Variants in GNA14 observed in about 807,000 individuals in gnomAD.
GNA14 encodes G protein subunit alpha 14.
Under a neutral mutation model 42.0 loss-of-function variants are expected in GNA14, and 50 were observed. The ratio of observed to expected loss-of-function variants is 1.19; its 90% confidence interval spans 0.95 to 1.51. GNA14 has a LOEUF of 1.51. Ranked by LOEUF, GNA14 falls within the 40% of genes most tolerant of loss-of-function variation. The pLI is 0.00. For synonymous variants in GNA14, 173 were observed against 163.1 expected (o/e 1.06, Z -0.46); for missense variants, 473 against 446.2 (o/e 1.06, Z -0.54).
intron 1 of GNA14, among the ~76,000 whole-genome samples, chr9:77,603,776 T>G (rs1006127896): frequency 5.3e-5 from 8 of 151,672 alleles, no homozygotes; most frequent in African/African-American, 1.5e-4. Context: ...CTATCCTGGC[T>G]AACATGGTGA....
At chr9:77,461,626 A>G (rs1836108585) in intron 2 of GNA14, among the ~76,000 whole-genome samples, 1 of 152,178 alleles carries the variant, frequency 6.6e-6, no homozygotes, top group African/African-American at 2.4e-5. Flanking sequence ...ATAAGGATCA[A>G]TTAGGAAGTA....
chr9:77,493,968 T>C (rs146737235), intron 2 of GNA14, among the ~76,000 whole-genome samples: 1,708 of 152,350 alleles, frequency 0.011, 44 homozygotes, highest in African/African-American at 0.039. Context: ...TCACCCAGGC[T>C]GAAGTGCAGT....
intron 1 of GNA14, among the ~76,000 whole-genome samples, chr9:77,558,939 A>AT (rs915991164): frequency 1.3e-5 from 2 of 151,576 alleles, no homozygotes; most frequent in Admixed American, 1.3e-4. Flanking sequence ...CAAAAAAAAA[A>AT]ACAAAAAACA....
At chr9:77,548,943 TTTTC>T (rs1837757211) in intron 1 of GNA14, among the ~76,000 whole-genome samples, 1 of 151,686 alleles carries the variant, frequency 6.6e-6, no homozygotes, top group Non-Finnish European at 1.5e-5. Context: ...TTCTTTTTTT[TTTTC>T]TTTTTTTTTC....
chr9:77,556,361 G>A (rs1822781997), intron 1 of GNA14, among the ~76,000 whole-genome samples: 1 of 152,098 alleles, frequency 6.6e-6, no homozygotes, highest in African/African-American at 2.4e-5. Context: ...TAATGGGGTG[G>A]GGGCAGAGAT....
chr9:77,485,749 A>G (rs1836649097), intron 2 of GNA14, among the ~76,000 whole-genome samples: 1 of 152,178 alleles, frequency 6.6e-6, no homozygotes, highest in Admixed American at 6.5e-5. Flanking sequence ...CAGAGCGCTT[A>G]GGTGACCAGG....
intron 2 of GNA14, among the ~76,000 whole-genome samples, chr9:77,482,618 G>A (rs1276250411): frequency 1.3e-5 from 2 of 152,190 alleles, no homozygotes; most frequent in African/African-American, 4.8e-5. Context: ...CTAGATTGGG[G>A]AAGTTCTCCT....
At chr9:77,586,028 C>T (rs1321221500) in intron 1 of GNA14, among the ~76,000 whole-genome samples, 1 of 152,094 alleles carries the variant, frequency 6.6e-6, no homozygotes, top group Non-Finnish European at 1.5e-5. Context: ...AAGTGGCTTG[C>T]CTTGTTCTGA....
intron 1 of GNA14, among the ~76,000 whole-genome samples, chr9:77,574,757 ACCTTCCTCCATG>A (rs1231307921): frequency 6.6e-6 from 1 of 152,178 alleles, no homozygotes; most frequent in Non-Finnish European, 1.5e-5. Flanking sequence ...CAGGCAGGCA[ACCTTCCTCCATG>A]CTGCAGCTAT....
At chr9:77,549,284 C>T (rs1473147662) in intron 1 of GNA14, among the ~76,000 whole-genome samples, 1 of 152,298 alleles carries the variant, frequency 6.6e-6, no homozygotes, top group Non-Finnish European at 1.5e-5. Context: ...ACAAGCCCTC[C>T]CAAGTGCTCT....
At chr9:77,467,062 AG>A (rs1460752268) in intron 2 of GNA14, among the ~76,000 whole-genome samples, 5 of 148,640 alleles carry the variant, frequency 3.4e-5, no homozygotes, top group Middle Eastern at 3.5e-3. Flanking sequence ...TTCACATTTC[AG>A]GGAGTTTACA....
rs149566166 is a variant in GNA14 at position 77,526,227 on chromosome 9, T to C, written c.309+2842A>G. ...GTGCCTGGCCTGATTTGGGACTTTT[T>C]GAGTTGATATTTGGATTAGAATTGG... On this transcript the variant is annotated intron_variant, in intron 2 of 6. Transcript: ENST00000341700. Among the ~76,000 whole-genome samples the C allele has an allele frequency of 5.0e-3, 757 of 152,078 alleles. 8 individuals carry two copies. Among genetic ancestry groups the C allele is most frequent in the African/African-American group, 0.018 (726 of 41,470 alleles).
intron 1 of GNA14, among the ~76,000 whole-genome samples, chr9:77,619,964 T>G (rs867075989): frequency 2.2e-4 from 34 of 152,106 alleles, no homozygotes; most frequent in African/African-American, 8.0e-4. Context: ...TCTTGCTACA[T>G]AAAAATTCAA....
chr9:77,504,439 G>A (rs1031999017), intron 2 of GNA14, among the ~76,000 whole-genome samples: 1 of 151,174 alleles, frequency 6.6e-6, no homozygotes, highest in African/African-American at 2.4e-5. Context: ...AATGTTTGAA[G>A]AAGGAAAAGC....
chr9:77,447,401 T>G (rs1835838907), intron 2 of GNA14, among the ~76,000 whole-genome samples: 1 of 152,182 alleles, frequency 6.6e-6, no homozygotes, highest in African/African-American at 2.4e-5. Flanking sequence ...CACTAAGACC[T>G]CCTCGTTCCT....
intron 1 of GNA14, among the ~76,000 whole-genome samples, chr9:77,593,175 C>A (rs1258322968): frequency 3.3e-5 from 5 of 152,182 alleles, no homozygotes; most frequent in African/African-American, 1.2e-4. Context: ...TAACTCTACA[C>A]TTGGTTAGCA....
At chr9:77,560,284 G>GTTT (rs1381822632) in intron 1 of GNA14, among the ~76,000 whole-genome samples, 5 of 139,980 alleles carry the variant, frequency 3.6e-5, no homozygotes, top group African/African-American at 1.4e-4. Context: ...TTCCTCTCCA[G>GTTT]TCTTTTTTTT....
chr9:77,610,133 T>A (rs1187451069), intron 1 of GNA14, among the ~76,000 whole-genome samples: 6 of 152,204 alleles, frequency 3.9e-5, no homozygotes, highest in Non-Finnish European at 8.8e-5. Context: ...CCCCTCACCT[T>A]CCCAGAGGAA....
chr9:77,448,300 C>T lies in GNA14; in HGVS notation c.310-13778G>A, dbSNP rs78545695. The stretch of plus-strand genomic sequence containing the variant: ...TTTGACTGAACGATTTTCTGACTTA[C>T]GATGGTGTGAAAGCAGTAACCATTC... On this transcript the variant is annotated intron_variant, in intron 2 of 6. Transcript: ENST00000341700. Among the ~76,000 whole-genome samples the T allele has an allele frequency of 2.8e-4, 43 of 152,298 alleles. No individual in the cohort carries two copies. In the East Asian group the frequency reaches 3.7e-3, roughly 13 times the overall value.
Sources: gnomAD v4.1 joint callset for allele counts (sites outside exome capture counted in the v4.1 genomes callset) on GRCh38, gnomAD v4.1.1 for gene constraint, MANE v1.5 for transcripts, NCBI Gene and HGNC (gene_info 2026-07-23, HGNC 2026-07-21) for gene names.